The following SCN8A variants were observed in gnomAD, a reference collection of about 807,000 sequenced individuals.
SCN8A encodes sodium channel protein type 8 subunit alpha.
SCN8A carries 30 observed loss-of-function variants against 184.1 expected under a neutral mutation model. The observed-to-expected ratio is 0.16, with a 90% CI of 0.12 to 0.22. The LOEUF (loss-of-function observed/expected upper bound fraction) is 0.22. Ranked by LOEUF, SCN8A falls within the 10% of genes least tolerant of loss-of-function variation. The pLI, the probability that SCN8A is intolerant of heterozygous loss-of-function variation, is 1.00. For synonymous variants in SCN8A, 852 were observed against 907.0 expected (o/e 0.94, Z 1.09); for missense variants, 1,057 against 2,498.9 (o/e 0.42, Z 12.30).
At chr12:51,737,559 T>A (rs974736571) in intron 12 of SCN8A, among the ~76,000 whole-genome samples, 3 of 152,198 alleles carry the variant, frequency 2.0e-5, no homozygotes, top group Non-Finnish European at 4.4e-5. Context: ...TGAAAGTCAT[T>A]TAATGTTTTT....
At chr12:51,617,982 C>T (rs898140425) in intron 1 of SCN8A, among the ~76,000 whole-genome samples, 5 of 152,100 alleles carry the variant, frequency 3.3e-5, no homozygotes, top group East Asian at 1.9e-4. Context: ...AGATGAGCCC[C>T]GGAATTCATA....
intron 2 of SCN8A, among the ~76,000 whole-genome samples, chr12:51,681,747 A>G (rs1032465542): frequency 3.3e-5 from 5 of 152,238 alleles, no homozygotes; most frequent in Non-Finnish European, 7.3e-5. Flanking sequence ...ATCTAGCTCA[A>G]TACTTTTCCA....
intron 5 of SCN8A, 123 bp from the exon 6 acceptor site, chr12:51,688,882 G>T (rs751844649): frequency 6.3e-7 from 1 of 1,584,682 alleles, no homozygotes; most frequent in East Asian, 2.2e-5. Context: ...TTAGGTGTTG[G>T]GATAGGGCCC....
intron 2 of SCN8A, among the ~76,000 whole-genome samples, chr12:51,676,957 T>A (rs907946601): frequency 1.5e-4 from 23 of 152,192 alleles, no homozygotes; most frequent in African/African-American, 5.1e-4. Context: ...ATAATAAATA[T>A]TTCTCGAAGA....
intron 12 of SCN8A, among the ~76,000 whole-genome samples, chr12:51,735,684 G>A (rs771242295): frequency 6.6e-6 from 1 of 152,116 alleles, no homozygotes; most frequent in South Asian, 2.1e-4. Context: ...TGTGGTTGAC[G>A]GGTGTTGCTC....
At chr12:51,637,384 T>C (rs1940342180) in intron 1 of SCN8A, among the ~76,000 whole-genome samples, 1 of 152,224 alleles carries the variant, frequency 6.6e-6, no homozygotes, top group Non-Finnish European at 1.5e-5. Context: ...AAAAGCCAAC[T>C]TAGGCCAAAA....
Position 51,646,569 on chromosome 12 carries a change from T to G in SCN8A, c.-54-16195T>G, listed in dbSNP as rs540482381. On this transcript the variant is annotated intron_variant, in intron 1 of 26. Transcript: ENST00000627620. Reference sequence around the variant, plus strand: ...TGTATATTTTACCACAAAAAAACTTTGCGAGAAGAAATGAAACACTTTTCA... The same window carrying G: ...TGTATATTTTACCACAAAAAAACTTGGCGAGAAGAAATGAAACACTTTTCA... Among the ~76,000 whole-genome samples, 36 of 152,314 alleles carry G rather than the reference T, an allele frequency of 2.4e-4. No homozygotes were observed. The South Asian group carries it at 7.2e-3, about 31-fold the overall frequency.
chr12:51,684,619 G>C (rs186365625), intron 3 of SCN8A, among the ~76,000 whole-genome samples: 1 of 152,104 alleles, frequency 6.6e-6, no homozygotes. Flanking sequence ...CAACTATTCA[G>C]CTTAATATAT....
rs578223541 is a variant in SCN8A, at chr12:51,635,495, G to A, written c.-54-27269G>A. ...TGAATGAATGAATGAATGAATGAAC[G>A]AAAGGTCACAACTGAAGGGGACATT... On this transcript the variant is annotated intron_variant, in intron 1 of 26. Transcript: ENST00000627620. Among the ~76,000 whole-genome samples, 11 of 152,228 alleles carry A rather than the reference G, an allele frequency of 7.2e-5. No individual in the cohort carries two copies. The South Asian group carries it at 8.3e-4, about 11-fold the overall frequency.
chr12:51,604,567 G>A (rs1326405004), intron 1 of SCN8A, among the ~76,000 whole-genome samples: 1 of 151,986 alleles, frequency 6.6e-6, no homozygotes. Context: ...TTTCGCTCTT[G>A]TTGCCCAGGC....
rs547587606 is a variant in SCN8A at position 51,758,316 on chromosome 12, C to T, written c.2371-4187C>T. ...TAAAATAAATATCACAATAATACACCTATCACACATGAACATAAATAACAT... is the reference window on the plus strand; with the variant it reads ...TAAAATAAATATCACAATAATACACTTATCACACATGAACATAAATAACAT... On this transcript the variant is annotated intron_variant, in intron 14 of 26. Coordinates refer to ENST00000627620, the MANE Select transcript of SCN8A (RefSeq NM_001330260.2). Among the ~76,000 whole-genome samples, 30 of 152,316 alleles carry T rather than the reference C, an allele frequency of 2.0e-4. 6 individuals are homozygous for T. The highest frequency in any genetic ancestry group is 7.2e-4 in the African/African-American group (30 of 41,562).
chr12:51,720,314 A>T (rs1219679550), intron 11 of SCN8A, among the ~76,000 whole-genome samples: 2 of 150,762 alleles, frequency 1.3e-5, no homozygotes, highest in African/African-American at 4.9e-5. Context: ...AGGGACATGG[A>T]TGAGGCTGGA....
At chr12:51,675,554 G>T (rs1388339025) in intron 2 of SCN8A, among the ~76,000 whole-genome samples, 10 of 152,176 alleles carry the variant, frequency 6.6e-5, no homozygotes, top group Admixed American at 6.5e-4. Flanking sequence ...ACCTGGTGCA[G>T]TAAAAAGAGT....
At chr12:51,770,802 G>A (rs1942914789) in intron 19 of SCN8A, 119 bp downstream of exon 19, 2 of 1,053,726 alleles carry the variant, frequency 1.9e-6, no homozygotes, top group Non-Finnish European at 2.8e-6. Flanking sequence ...GTGGTCCCAA[G>A]AAGAATGATC....
At position 51,807,355 on chromosome 12, in the gene SCN8A, A is replaced by C. The variant is rs1296188589; in HGVS notation, c.5869A>C (p.Lys1957Gln). The C allele has an allele frequency of 6.2e-7, 1 of 1,613,886 alleles. No individual in the cohort carries two copies. The highest frequency in any genetic ancestry group is 1.3e-5 in the African/African-American group (1 of 75,058). ...YDSVTKPEKEKQQRAEEGRRE... is the reference protein window; with the variant it reads ...YDSVTKPEKEQQQRAEEGRRE... ...CAGTGTAACTAAACCTGAAAAGGAGAAACAGCAGCGGGCAGAGGAAGGAAG... is the reference window on the plus strand; with the variant it reads ...CAGTGTAACTAAACCTGAAAAGGAGCAACAGCAGCGGGCAGAGGAAGGAAG... The change falls in exon 27 of 27, where the codon AAA becomes CAA. Residue 1957 changes from lysine (K) to glutamine (Q), a missense_variant. Coordinates refer to ENST00000627620, the MANE Select transcript of SCN8A (RefSeq NM_001330260.2). This position sits in a 1 kb window ranked among gnomAD's most constrained non-coding sequence, Gnocchi z 4.5.
chr12:51,691,621 T>C (rs1941510250), intron 6 of SCN8A, among the ~76,000 whole-genome samples: 1 of 152,148 alleles, frequency 6.6e-6, no homozygotes, highest in Admixed American at 6.5e-5. Flanking sequence ...CCCAGATTCC[T>C]ATTTCTAGAA....
rs1239597942 is a variant in SCN8A, at chr12:51,719,802, C to T, written c.1636-1744C>T. On this transcript the variant is annotated intron_variant, in intron 11 of 26. Transcript: ENST00000627620. ...TTATGCTAAAGAATTCTTGGCCGGG[C>T]GCGGTGGCTCACGCCTGTAATCCCA... Among the ~76,000 whole-genome samples the T allele has an allele frequency of 5.3e-5, 8 of 152,236 alleles. No homozygotes were observed. The East Asian group carries it at 9.7e-4, about 18-fold the overall frequency.
chr12:51,759,288 A>C (rs1942728704), intron 14 of SCN8A, among the ~76,000 whole-genome samples: 1 of 151,966 alleles, frequency 6.6e-6, no homozygotes, highest in Admixed American at 6.6e-5. Context: ...TTTAATGTTT[A>C]CACAATGACT....
At chr12:51,693,038 C>G (rs117905103) in intron 6 of SCN8A, among the ~76,000 whole-genome samples, 2,721 of 152,232 alleles carry the variant, frequency 0.018, 40 homozygotes, top group Non-Finnish European at 0.025. Flanking sequence ...GCTTTCATTT[C>G]TGTTACTTTC....
Sources: allele counts gnomAD v4.1 joint callset (sites outside exome capture counted in the v4.1 genomes callset), GRCh38; gene constraint gnomAD v4.1.1; non-coding constraint Gnocchi (gnomAD v3.1); transcripts MANE v1.5; gene names NCBI Gene and HGNC (gene_info 2026-07-23, HGNC 2026-07-21).